The following PPP2R3C variants were observed in gnomAD, a reference collection of about 807,000 sequenced individuals.
The protein encoded by PPP2R3C is serine/threonine-protein phosphatase 2A regulatory subunit B'' subunit gamma.
PPP2R3C carries 47 observed loss-of-function variants against 63.7 expected under a neutral mutation model. The observed-to-expected ratio is 0.74, with a 90% CI of 0.58 to 0.94. The LOEUF is 0.94. Ranked by LOEUF, PPP2R3C falls within the 40% of genes least tolerant of loss-of-function variation. The pLI is 0.00. For missense variants in PPP2R3C, 421 were observed against 518.4 expected (o/e 0.81, Z 1.82); for synonymous variants, 180 against 177.4 (o/e 1.01, Z -0.12).
chr14:35,109,257 A>ATG (rs978831657), intron 4 of PPP2R3C, among the ~76,000 whole-genome samples: 1 of 151,880 alleles, frequency 6.6e-6, no homozygotes, highest in African/African-American at 2.4e-5. Flanking sequence ...GGGTTTCACC[A>ATG]TGTTGGTCAG....
intron 10 of PPP2R3C, among the ~76,000 whole-genome samples, chr14:35,091,757 A>G (rs892077161): frequency 1.3e-5 from 2 of 151,688 alleles, no homozygotes; most frequent in East Asian, 1.9e-4. Context: ...GTCTTGCTCT[A>G]TTGCCCAGGC....
intron 2 of PPP2R3C, among the ~76,000 whole-genome samples, 163 bp downstream of exon 2, chr14:35,116,447 A>T (rs895048660): frequency 6.6e-6 from 1 of 152,086 alleles, no homozygotes; most frequent in South Asian, 2.1e-4. Context: ...TAGAGATGGG[A>T]TCTTGCTATG....
chr14:35,090,548 TG>T (rs1490540695), intron 11 of PPP2R3C, among the ~76,000 whole-genome samples: 1 of 152,068 alleles, frequency 6.6e-6, no homozygotes, highest in African/African-American at 2.4e-5. Flanking sequence ...TTAGGTAAAA[TG>T]GTTACTAAAT....
Position 35,091,194 on chromosome 14 carries a change from T to C in PPP2R3C, c.989A>G (p.Tyr330Cys). 3 of 1,609,138 alleles carry C rather than the reference T, an allele frequency of 1.9e-6. No homozygotes were observed. Among genetic ancestry groups the C allele is most frequent in the Non-Finnish European group, 2.5e-6 (3 of 1,178,248 alleles). ...TTCTAATGCAAGGACAAAGTCCAAGTAGGTCTTATAGTCCTACAGAACAGA... is the reference window on the plus strand; with the variant it reads ...TTCTAATGCAAGGACAAAGTCCAAGCAGGTCTTATAGTCCTACAGAACAGA... ...TYDGEMDYKT[Y>C]LDFVLALENR... is the part of the protein sequence containing the mutation. The change falls in exon 11 of 13, where the codon TAC (tyrosine) becomes TGC (cysteine). Residue 330 changes from tyrosine (Y) to cysteine (C), a missense_variant. Physicochemically the swap from Tyr to Cys is radical, Grantham distance 194. This residue lies in a region of PPP2R3C where 231 missense variants were observed against 264.8 expected (regional missense o/e 0.87). Transcript: ENST00000261475.
chr14:35,117,183 T>C, intron 1 of PPP2R3C: 1 of 455,662 alleles, frequency 2.2e-6, no homozygotes, highest in Non-Finnish European at 4.4e-6. Context: ...CTACCTAATG[T>C]AGAGAAAACA....
At chr14:35,091,609 C>G (rs997351991) in intron 10 of PPP2R3C, among the ~76,000 whole-genome samples, 1 of 152,088 alleles carries the variant, frequency 6.6e-6, no homozygotes, top group Non-Finnish European at 1.5e-5. Flanking sequence ...TCAGGTGATC[C>G]GCCCGCCTCA....
intron 7 of PPP2R3C, 180 bp downstream of exon 7, chr14:35,099,072 T>A (rs2046101379): frequency 7.7e-6 from 6 of 776,534 alleles, no homozygotes; most frequent in Non-Finnish European, 1.1e-5. Flanking sequence ...GATCTTCAGA[T>A]AAACATAACC....
intron 6 of PPP2R3C, among the ~76,000 whole-genome samples, chr14:35,104,763 C>T (rs2046295549): frequency 1.3e-5 from 2 of 152,138 alleles, no homozygotes; most frequent in African/African-American, 2.4e-5. Context: ...TTGAGACAGT[C>T]TTGCTCTGTT....
chr14:35,104,947 T>C (rs912878119), intron 6 of PPP2R3C, among the ~76,000 whole-genome samples: 3 of 151,696 alleles, frequency 2.0e-5, no homozygotes, highest in Non-Finnish European at 2.9e-5. Context: ...TTGATCAGGC[T>C]GGTCTCGAAG....
chr14:35,096,756 TTA>T lies in PPP2R3C; in HGVS notation c.713_714del (p.Ile238LysfsTer13), dbSNP rs2046010864. The T allele has an allele frequency of 1.9e-6, 3 of 1,584,588 alleles. No homozygotes were observed. The highest frequency in any genetic ancestry group is 2.6e-6 in the Non-Finnish European group (3 of 1,165,244). ...CTGCATGCTAAAATATCTTGAATTT[TTA>T]TCTTTCCTTTAAGAACATAAAGAAA... ...FFLDPLRTGK[I>X]KIQDILACSF... is the part of the protein sequence containing the mutation. On this transcript the variant is annotated frameshift_variant, in exon 8 of 13. Coordinates refer to ENST00000261475, the MANE Select transcript of PPP2R3C (RefSeq NM_017917.4). LOFTEE classifies it high-confidence loss of function.
intron 2 of PPP2R3C, among the ~76,000 whole-genome samples, chr14:35,116,063 A>G (rs932173628): frequency 1.3e-5 from 2 of 152,194 alleles, no homozygotes; most frequent in African/African-American, 4.8e-5. Context: ...TAAAAATCAG[A>G]AAGAAAAAGC....
At chr14:35,101,675 T>G (rs1391259223) in intron 6 of PPP2R3C, 1 of 152,192 alleles carries the variant, frequency 6.6e-6, no homozygotes, top group Non-Finnish European at 1.5e-5. Context: ...TTAGTGTAGA[T>G]TTATCTGGCA....
chr14:35,098,406 GC>G (rs1429787928), intron 7 of PPP2R3C, among the ~76,000 whole-genome samples: 1 of 132,784 alleles, frequency 7.5e-6, no homozygotes, highest in Non-Finnish European at 1.5e-5. Context: ...AGGCTGGAAT[GC>G]AATAACGCGA....
chr14:35,112,221 A>G (rs1213890187), intron 2 of PPP2R3C, among the ~76,000 whole-genome samples: 1 of 152,212 alleles, frequency 6.6e-6, no homozygotes, highest in Non-Finnish European at 1.5e-5. Flanking sequence ...GCAGAGCTTT[A>G]GAATGATTCA....
intron 11 of PPP2R3C, among the ~76,000 whole-genome samples, chr14:35,088,617 C>T (rs571846470): frequency 7.9e-5 from 12 of 152,120 alleles, no homozygotes; most frequent in Non-Finnish European, 1.0e-4. Flanking sequence ...ACTTTGTTCC[C>T]GATGCCTACT....
rs1566434147 is a variant in PPP2R3C, at chr14:35,121,969, C to T, written c.-10G>A. 1 of 1,614,088 alleles carries T rather than the reference C, an allele frequency of 6.2e-7. No homozygotes were observed. The highest frequency in any genetic ancestry group is 1.3e-5 in the African/African-American group (1 of 74,936). ...CTTCTTTCCAGTCCATGGCCGACTT[C>T]CGCGCAGCAGCTTCTGCATTTGCTG... On this transcript the variant is annotated 5_prime_UTR_variant, in exon 1 of 13. Coordinates refer to ENST00000261475, the MANE Select transcript of PPP2R3C (RefSeq NM_017917.4).
At position 35,107,311 on chromosome 14, in the gene PPP2R3C, C is replaced by T. The variant is rs374895598; in HGVS notation, c.566G>A (p.Arg189Gln). Residue 189 changes from arginine (R) to glutamine (Q), a missense_variant, in exon 6 of 13, where the codon CGG becomes CAG. Physicochemically the swap from Arg to Gln is conservative, Grantham distance 43 (BLOSUM62 1). Around this residue, in one of 3 missense-constraint regions of PPP2R3C, gnomAD observed 47 missense variants for 102.3 expected, o/e 0.46. Transcript: ENST00000261475. ...TATAAGGTTAACACTTACAGATTCC[C>T]GAAGGTACCCCTGCCCAGCGACATC... is the stretch of plus-strand genomic sequence containing the variant. The part of the protein sequence containing the change: ...LYDVAGQGYL[R>Q]ESDLENYILE... 3 of 1,600,656 alleles carry T rather than the reference C, an allele frequency of 1.9e-6. No homozygotes were observed. Among genetic ancestry groups the T allele is most frequent in the Admixed American group, 1.7e-5 (1 of 59,988 alleles).
intron 10 of PPP2R3C, among the ~76,000 whole-genome samples, chr14:35,092,020 C>A (rs1595079983): frequency 1.3e-5 from 2 of 151,090 alleles, no homozygotes; most frequent in South Asian, 2.1e-4. Flanking sequence ...GTGCCCAGCC[C>A]TAGTTCATTT....
At chr14:35,120,700 A>T (rs2046850784) in intron 1 of PPP2R3C, among the ~76,000 whole-genome samples, 1 of 152,134 alleles carries the variant, frequency 6.6e-6, no homozygotes, top group Non-Finnish European at 1.5e-5. Flanking sequence ...TAATAGCAAC[A>T]CTTTGGGAGG....
Sources: allele counts gnomAD v4.1 joint callset (sites outside exome capture counted in the v4.1 genomes callset), GRCh38; gene constraint gnomAD v4.1.1; regional missense constraint gnomAD v4.1.1; transcripts MANE v1.5; gene names NCBI Gene and HGNC (gene_info 2026-07-23, HGNC 2026-07-21).